KCNMA1: variants seen among roughly 807,000 people sequenced by gnomAD.
The protein encoded by KCNMA1 is Calcium-activated potassium channel subunit alpha-1.
Under a neutral mutation model 140.0 loss-of-function variants are expected in KCNMA1, and 29 were observed. The observed-to-expected ratio is 0.21, with a 90% CI of 0.15 to 0.28. The LOEUF (loss-of-function observed/expected upper bound fraction) is 0.28. KCNMA1 is among the 10% of genes least tolerant of loss of function. The pLI is 1.00. For synonymous variants in KCNMA1, 612 were observed against 611.9 expected, an observed-to-expected ratio of 1.00 and a Z score of 0.00; for missense variants, 880 against 1,602.2, an observed-to-expected ratio of 0.55 and a Z score of 7.70.
chr10:77,297,790 A>T (rs920335998), intron 2 of KCNMA1, among the ~76,000 whole-genome samples: 1 of 152,176 alleles, frequency 6.6e-6, no homozygotes, highest in South Asian at 2.1e-4. Flanking sequence ...CTTACTCCCA[A>T]GATCTAAACA....
chr10:77,308,009 T>C (rs1033766094), intron 2 of KCNMA1, among the ~76,000 whole-genome samples: 1 of 152,194 alleles, frequency 6.6e-6, no homozygotes, highest in African/African-American at 2.4e-5. Flanking sequence ...TTCATTAACC[T>C]GTTTTCCAAA....
intron 1 of KCNMA1, among the ~76,000 whole-genome samples, chr10:77,601,506 G>A (rs996133798): frequency 6.6e-6 from 1 of 152,184 alleles, no homozygotes; most frequent in Non-Finnish European, 1.5e-5. Flanking sequence ...CGGACCATGT[G>A]ATGACCTTTA....
chr10:77,290,489 C>T (rs544695190), intron 2 of KCNMA1, among the ~76,000 whole-genome samples: 1 of 152,196 alleles, frequency 6.6e-6, no homozygotes, highest in Non-Finnish European at 1.5e-5. Context: ...CCTTCGTACT[C>T]CACTTTCCTT....
chr10:77,528,063 C>A (rs1252128813), intron 1 of KCNMA1, among the ~76,000 whole-genome samples: 1 of 152,154 alleles, frequency 6.6e-6, no homozygotes, highest in Non-Finnish European at 1.5e-5. Context: ...GTGCCTGCAT[C>A]TCCTCATCTG....
intron 1 of KCNMA1, among the ~76,000 whole-genome samples, chr10:77,594,925 T>C (rs950090612): frequency 6.6e-6 from 1 of 152,166 alleles, no homozygotes; most frequent in African/African-American, 2.4e-5. Flanking sequence ...CCTTTGATTG[T>C]GTTACATGGC....
intron 1 of KCNMA1, among the ~76,000 whole-genome samples, chr10:77,475,461 T>G (rs2098259121): frequency 6.6e-6 from 1 of 152,186 alleles, no homozygotes; most frequent in African/African-American, 2.4e-5. Context: ...TCCCAAAGGC[T>G]AGAAGTGAAA....
chr10:77,053,005 C>T (rs762690152), intron 14 of KCNMA1, among the ~76,000 whole-genome samples: 4 of 152,152 alleles, frequency 2.6e-5, no homozygotes, highest in Non-Finnish European at 5.9e-5. Context: ...CTGGGAAGCA[C>T]ACTTTTCTAT....
chr10:77,129,182 T>G (rs1286242684), intron 5 of KCNMA1, among the ~76,000 whole-genome samples: 2 of 152,202 alleles, frequency 1.3e-5, no homozygotes, highest in Non-Finnish European at 2.9e-5. Context: ...TTAATCTGTT[T>G]TGATGTATTT....
intron 20 of KCNMA1, among the ~76,000 whole-genome samples, chr10:76,954,224 A>T (rs1257182876): frequency 6.7e-6 from 1 of 149,368 alleles, no homozygotes; most frequent in Non-Finnish European, 1.5e-5. Flanking sequence ...AGGCTACCTC[A>T]CTCCTCTTCC....
Position 77,123,179 on chromosome 10 carries a change from C to CAAAAAAA in KCNMA1, c.809-2138_809-2132dup, listed in dbSNP as rs61374890. Among the ~76,000 whole-genome samples, 43 of 59,652 alleles carry CAAAAAAA rather than the reference C, an allele frequency of 7.2e-4. 4 individuals are homozygous for CAAAAAAA. Among genetic ancestry groups the CAAAAAAA allele is most frequent in the Non-Finnish European group, 9.5e-4 (33 of 34,834 alleles). The allele number at this position is 59,652 out of a possible 152,430, so 39.1% of individuals were successfully genotyped here. The stretch of plus-strand genomic sequence containing the variant: ...TGGGCGACAGAGCGAGACTCCGTCT[C>CAAAAAAA]AAAAAAAAAAAAAAAAAAAAAAAAA... On this transcript the variant is annotated intron_variant, in intron 5 of 27. Transcript: ENST00000286628.
chr10:77,166,917 T>G (rs1423855829), intron 5 of KCNMA1, among the ~76,000 whole-genome samples: 1 of 152,188 alleles, frequency 6.6e-6, no homozygotes, highest in Non-Finnish European at 1.5e-5. Context: ...AACTGGGACA[T>G]CCATCACCTT....
intron 3 of KCNMA1, chr10:77,249,791 T>G (rs967668359): frequency 6.6e-6 from 1 of 152,230 alleles, no homozygotes; most frequent in African/African-American, 2.4e-5. Context: ...TTACCTTCAA[T>G]GACATGCCAA....
intron 2 of KCNMA1, among the ~76,000 whole-genome samples, chr10:77,343,324 T>C (rs1440942910): frequency 6.6e-6 from 1 of 152,182 alleles, no homozygotes; most frequent in African/African-American, 2.4e-5. Context: ...GTGATAGGTA[T>C]TGCCATTGTC....
At chr10:77,061,353 G>A (rs2095743157) in intron 14 of KCNMA1, among the ~76,000 whole-genome samples, 1 of 152,014 alleles carries the variant, frequency 6.6e-6, no homozygotes, top group Non-Finnish European at 1.5e-5. Flanking sequence ...CAATTAAAAT[G>A]GACCCAGCAC....
intron 5 of KCNMA1, among the ~76,000 whole-genome samples, chr10:77,169,010 T>A (rs11002056): frequency 6.6e-6 from 1 of 152,146 alleles, no homozygotes; most frequent in Admixed American, 6.5e-5. Flanking sequence ...CCAGAGTGGC[T>A]AACTCCTGAT....
At chr10:77,401,233 T>C (rs2096254551) in intron 2 of KCNMA1, among the ~76,000 whole-genome samples, 1 of 151,928 alleles carries the variant, frequency 6.6e-6, no homozygotes, top group Non-Finnish European at 1.5e-5. Flanking sequence ...AGCCGCTCAC[T>C]GCAAGTTCCG....
At position 76,998,361 on chromosome 10, in the gene KCNMA1, C is replaced by T. The variant is rs540671262; in HGVS notation, c.2266+3046G>A. The stretch of plus-strand genomic sequence containing the variant: ...AAAAAAAATAGAGTAAAGAGGGAAA[C>T]GAAAGGAAAGAGAGAAATGAATTAG... On this transcript the variant is annotated intron_variant, in intron 19 of 27. Transcript: ENST00000286628. Among the ~76,000 whole-genome samples, 11 of 152,024 alleles carry T rather than the reference C, an allele frequency of 7.2e-5. No homozygotes were observed. In the South Asian group the frequency reaches 1.2e-3, roughly 17 times the overall value.
intron 2 of KCNMA1, among the ~76,000 whole-genome samples, chr10:77,395,287 T>C (rs11002153): frequency 0.063 from 9,512 of 152,018 alleles, 374 homozygotes; most frequent in East Asian, 0.18. Flanking sequence ...GAGTTTGAGG[T>C]TGCAGGGAGC....
intron 14 of KCNMA1, among the ~76,000 whole-genome samples, chr10:77,043,618 T>A (rs1341737238): frequency 6.6e-6 from 1 of 152,200 alleles, no homozygotes; most frequent in Admixed American, 6.5e-5. Context: ...GATGACTAGA[T>A]AAACAAAGTG....
Sources: allele counts gnomAD v4.1 joint callset (sites outside exome capture counted in the v4.1 genomes callset), GRCh38; gene constraint gnomAD v4.1.1; transcripts MANE v1.5; gene names NCBI Gene and HGNC (gene_info 2026-07-23, HGNC 2026-07-21).